GLIS3: variants seen among roughly 807,000 people sequenced by gnomAD.
The protein encoded by GLIS3 is zinc finger protein GLIS3.
GLIS3 carries 53 observed loss-of-function variants against 78.6 expected under a neutral mutation model. The ratio of observed to expected loss-of-function variants is 0.67; its 90% CI spans 0.54 to 0.85. The LOEUF (loss-of-function observed/expected upper bound fraction) is 0.85, where lower values mean the gene tolerates loss of function less well. Among genes scored for constraint, GLIS3 ranks in the 40% least tolerant of loss-of-function variants. The pLI is 0.00. For synonymous variants in GLIS3, 684 were observed against 509.9 expected, an observed-to-expected ratio of 1.34 and a Z score of -4.60; for missense variants, 1,703 against 1,231.1, an observed-to-expected ratio of 1.38 and a Z score of -5.74.
chr9:4,476,354 G>GT, the GLIS3 span, among the ~76,000 whole-genome samples: 3 of 151,786 alleles, frequency 2.0e-5, no homozygotes, highest in Non-Finnish European at 4.4e-5. Context: ...ATTCAGTGGG[G>GT]TTTTTTTGTT....
the GLIS3 span, among the ~76,000 whole-genome samples, chr9:4,459,688 C>A: frequency 2.6e-5 from 4 of 152,098 alleles, no homozygotes; most frequent in East Asian, 1.9e-4. Context: ...CTGCTTGAGC[C>A]CAGGAGGTCA....
At chr9:4,282,693 C>G (rs1035530055) in intron 2 of GLIS3, among the ~76,000 whole-genome samples, 1 of 152,140 alleles carries the variant, frequency 6.6e-6, no homozygotes, top group African/African-American at 2.4e-5. Flanking sequence ...ATCCTGGAAC[C>G]TGCCACTCTC....
intron 4 of GLIS3, among the ~76,000 whole-genome samples, chr9:4,068,095 A>T (rs939075152): frequency 6.6e-6 from 1 of 152,186 alleles, no homozygotes; most frequent in South Asian, 2.1e-4. Flanking sequence ...TAGAAAATGG[A>T]GAAGTGTTAC....
chr9:4,340,304 A>AC lies in GLIS3; in HGVS notation n.264+6776_264+6777insG, dbSNP rs548124627. Among the ~76,000 whole-genome samples, 93 of 151,350 alleles carry AC rather than the reference A, an allele frequency of 6.1e-4. 1 individual carries two copies. The highest frequency in any genetic ancestry group is 2.2e-3 in the African/African-American group (92 of 41,162). The stretch of plus-strand genomic sequence containing the variant: ...TACAAATCAAATGAGAAAAAAAAAA[A>AC]AAAGTATGTCATTTTCCTTTATTTG... On this transcript the variant is annotated intron_variant and non_coding_transcript_variant, in intron 2 of 4. Transcript: ENST00000471664.
intron 6 of GLIS3, among the ~76,000 whole-genome samples, chr9:3,899,479 T>C: frequency 6.6e-6 from 1 of 151,978 alleles, no homozygotes; most frequent in Non-Finnish European, 1.5e-5. Flanking sequence ...TGAAAAGTTA[T>C]CTGATCTTTT....
At chr9:3,840,308 G>T (rs1401004130) in intron 9 of GLIS3, among the ~76,000 whole-genome samples, 4 of 152,220 alleles carry the variant, frequency 2.6e-5, no homozygotes, top group African/African-American at 9.6e-5. Flanking sequence ...AAGTGAAATT[G>T]CCACAATTTG....
chr9:4,270,955 C>T (rs936071245), intron 2 of GLIS3, among the ~76,000 whole-genome samples: 4 of 150,058 alleles, frequency 2.7e-5, no homozygotes, highest in Admixed American at 1.3e-4. Context: ...GACCCTTGAA[C>T]AACACAGGTT....
At chr9:4,384,976 A>G in the GLIS3 span, among the ~76,000 whole-genome samples, 95 of 152,360 alleles carry the variant, frequency 6.2e-4, no homozygotes, top group Middle Eastern at 3.4e-3. Flanking sequence ...TACAAGCTTC[A>G]TAATGTTGCC....
chr9:4,413,258 T>C, the GLIS3 span, among the ~76,000 whole-genome samples: 2 of 152,308 alleles, frequency 1.3e-5, no homozygotes, highest in South Asian at 4.1e-4. Flanking sequence ...AAGAATTAAA[T>C]GAGATTGTAT....
rs1400393428 is a variant in GLIS3 at position 3,826,050 on chromosome 9, ATGTC to A, written c.*2218_*2221del. 6.6e-6 allele frequency: 1 copy of A among 152,158 alleles called. No homozygotes were observed. Among genetic ancestry groups the A allele is most frequent in the Non-Finnish European group, 1.5e-5 (1 of 68,026 alleles). 9.4% of individuals were successfully genotyped at this position (152,158 alleles called of 1,614,324 possible). A position where few individuals can be genotyped will look rare whatever the true frequency, so the allele number is the denominator to read the frequency against. Reference sequence around the variant, plus strand: ...GCAGCTCCTCTCAAAGAGGGAGGTGATGTCCATGGTTTCTAAAGTTGAGCTTCTG... The same window carrying A: ...GCAGCTCCTCTCAAAGAGGGAGGTGACATGGTTTCTAAAGTTGAGCTTCTG... On this transcript the variant is annotated 3_prime_UTR_variant, in exon 11 of 11. Coordinates refer to ENST00000381971, the MANE Select transcript of GLIS3 (RefSeq NM_001042413.2).
intron 6 of GLIS3, among the ~76,000 whole-genome samples, chr9:3,921,550 T>C (rs1824888175): frequency 6.6e-6 from 1 of 152,074 alleles, no homozygotes; most frequent in East Asian, 1.9e-4. Context: ...TTAAACAAAA[T>C]AGTGGAATAA....
At chr9:4,133,472 G>C (rs1037967630) in intron 2 of GLIS3, among the ~76,000 whole-genome samples, 5 of 152,154 alleles carry the variant, frequency 3.3e-5, no homozygotes, top group Non-Finnish European at 7.4e-5. Context: ...GGAAAAGATG[G>C]TGGAAGGAAA....
At chr9:4,014,143 G>C (rs2130070481) in intron 4 of GLIS3, among the ~76,000 whole-genome samples, 1 of 152,244 alleles carries the variant, frequency 6.6e-6, no homozygotes, top group Middle Eastern at 3.4e-3. Flanking sequence ...TTGCCTTTCT[G>C]GTGGCAAAAC....
chr9:4,465,544 G>A, the GLIS3 span, among the ~76,000 whole-genome samples: 4 of 151,636 alleles, frequency 2.6e-5, no homozygotes, highest in Admixed American at 2.0e-4. Context: ...GTGAGACTCC[G>A]ACTCAAAAAA....
chr9:4,016,483 C>A (rs1312932586), intron 4 of GLIS3, among the ~76,000 whole-genome samples: 4 of 152,028 alleles, frequency 2.6e-5, no homozygotes, highest in Non-Finnish European at 1.5e-5. Context: ...TTGATGAGCT[C>A]GACATAATAC....
chr9:4,131,059 C>A (rs1001658988), intron 2 of GLIS3, among the ~76,000 whole-genome samples: 22 of 152,046 alleles, frequency 1.4e-4, no homozygotes, highest in Admixed American at 1.2e-3. Flanking sequence ...TTAATGACTG[C>A]CCTAGGGGGG....
intron 4 of GLIS3, among the ~76,000 whole-genome samples, chr9:4,093,417 A>G (rs1829687708): frequency 6.6e-6 from 1 of 152,150 alleles, no homozygotes. Flanking sequence ...GACAGAGGAG[A>G]GCAGACTCAG....
At chr9:4,126,116 C>T (rs781128800) in intron 2 of GLIS3, among the ~76,000 whole-genome samples, 175 bp from the exon 3 acceptor site, 6 of 151,912 alleles carry the variant, frequency 3.9e-5, no homozygotes, top group Admixed American at 6.6e-5. Flanking sequence ...AAAGCCATAA[C>T]GCTATAATAG....
At chr9:4,146,823 A>C (rs1393374668) in intron 2 of GLIS3, among the ~76,000 whole-genome samples, 1 of 152,246 alleles carries the variant, frequency 6.6e-6, no homozygotes, top group Admixed American at 6.5e-5. Flanking sequence ...GCAAAGAGGA[A>C]GGATGCTACA....
Sources: gnomAD v4.1 joint callset for allele counts (sites outside exome capture counted in the v4.1 genomes callset) on GRCh38, gnomAD v4.1.1 for gene constraint, MANE v1.5 for transcripts, NCBI Gene and HGNC (gene_info 2026-07-23, HGNC 2026-07-21) for gene names.